CDK18: variants seen among roughly 807,000 people sequenced by gnomAD.
CDK18 encodes the protein cyclin dependent kinase 18, also known as cyclin-dependent kinase 18.
Under a neutral mutation model 62.0 loss-of-function variants are expected in CDK18, and 52 were observed. That is an observed-to-expected ratio of 0.84 (90% CI 0.67 to 1.06). The LOEUF is 1.06. Ranked by LOEUF, CDK18 falls within the 50% of genes least tolerant of loss-of-function variation. The pLI, the probability that CDK18 is intolerant of heterozygous loss-of-function variation, is 0.00. For missense variants in CDK18, 604 were observed against 619.9 expected, an observed-to-expected ratio of 0.97 and a Z score of 0.27; for synonymous variants, 237 against 247.0, an observed-to-expected ratio of 0.96 and a Z score of 0.38.
At position 205,526,421 on chromosome 1, in the gene CDK18, T is replaced by C; in HGVS notation, c.626T>C (p.Ile209Thr). 8.7e-6 allele frequency: 14 copies of C among 1,614,154 alleles called. No individual in the cohort carries two copies. The highest frequency in any genetic ancestry group is 1.2e-5 in the Non-Finnish European group (14 of 1,179,996). Residue 209 changes from isoleucine to threonine, a missense_variant, in exon 7 of 16, where the codon ATC becomes ACC. Transcript: ENST00000429964. Reference sequence around the variant, plus strand: ...AATATTGTGACCCTGCATGACCTCATCCACACAGATCGGTCCCTCACCCTG... The same window carrying C: ...AATATTGTGACCCTGCATGACCTCACCCACACAGATCGGTCCCTCACCCTG... ...HANIVTLHDL[I>T]HTDRSLTLVF...
intron 13 of CDK18, 145 bp from the exon 14 acceptor site, chr1:205,530,114 G>T (rs570340791): frequency 7.7e-5 from 113 of 1,463,710 alleles, no homozygotes; most frequent in Non-Finnish European, 6.8e-5. Flanking sequence ...TGGGTTTGTG[G>T]TAGGGGCTGG....
At position 205,532,530 on chromosome 1, in the gene CDK18, T is replaced by G. The variant is rs1668781094; in HGVS notation, c.*1152T>G. The stretch of plus-strand genomic sequence containing the variant: ...AACGTGGAACAGGAGCAGGCTCTGA[T>G]GCTGAGAGGCTTGCCTCCGGGGGCT... On this transcript the variant is annotated 3_prime_UTR_variant, in exon 16 of 16. Transcript: ENST00000429964. 6.6e-6 allele frequency: 1 copy of G among 152,510 alleles called. No homozygotes were observed. Among genetic ancestry groups the G allele is most frequent in the African/African-American group, 2.4e-5 (1 of 41,460 alleles). 9.4% of individuals were successfully genotyped at this position (152,510 alleles called of 1,614,324 possible).
In CDK18 at chr1:205,526,409, T is replaced by A. The variant is rs1420050350; in HGVS notation, c.614T>A (p.Leu205Gln). Residue 205 changes from leucine to glutamine, a missense_variant, in exon 7 of 16, where the codon CTG becomes CAG. Coordinates refer to ENST00000429964, the MANE Select transcript of CDK18 (RefSeq NM_212502.3). Reference protein sequence around the residue: ...KNLKHANIVTLHDLIHTDRSL... With the variant: ...KNLKHANIVTQHDLIHTDRSL... The stretch of plus-strand genomic sequence containing the variant: ...CTGAAGCACGCCAATATTGTGACCC[T>A]GCATGACCTCATCCACACAGATCGG... 1 of 1,614,038 alleles carries A rather than the reference T, an allele frequency of 6.2e-7. No individual in the cohort carries two copies. The highest frequency in any genetic ancestry group is 1.3e-5 in the African/African-American group (1 of 74,922).
At position 205,532,723 on chromosome 1, in the gene CDK18, C is replaced by T. The variant is rs970449694; in HGVS notation, c.*1345C>T. 1.3e-5 allele frequency: 2 copies of T among 152,480 alleles called. No homozygotes were observed. The highest frequency in any genetic ancestry group is 2.9e-5 in the Non-Finnish European group (2 of 68,068). The allele number at this position is 152,480 out of a possible 1,614,324, so 9.4% of individuals were successfully genotyped here. On this transcript the variant is annotated 3_prime_UTR_variant, in exon 16 of 16. Transcript: ENST00000429964. The stretch of plus-strand genomic sequence containing the variant: ...TCAGGCCCCCACCCTCCACTCCTCC[C>T]CACGGTACTGTGAACGTCGTGTGAC...
intron 1 of CDK18, among the ~76,000 whole-genome samples, chr1:205,507,213 T>G (rs1667349266): frequency 6.6e-6 from 1 of 152,230 alleles, no homozygotes; most frequent in South Asian, 2.1e-4. Context: ...GGCAAACTTC[T>G]GGCCTTGGTG....
At position 205,526,955 on chromosome 1, in the gene CDK18, G is replaced by T. The variant is rs531221690; in HGVS notation, c.729+118G>T. 3.4e-4 allele frequency: 271 copies of T among 787,910 alleles called. 1 individual carries two copies. Among genetic ancestry groups the T allele is most frequent in the Non-Finnish European group, 5.8e-5 (26 of 451,516 alleles). The allele number at this position is 787,910 out of a possible 1,614,324, so 48.8% of individuals were successfully genotyped here. A position where few individuals can be genotyped will look rare whatever the true frequency, so the allele number is the denominator to read the frequency against. On this transcript the variant is annotated intron_variant, in intron 8 of 15. Transcript: ENST00000429964. ...GCTGAGGTGGCTCAGACCTTCCCAC[G>T]TAGGAAAGAGGGAGAGGGCAATGCC... is the stretch of plus-strand genomic sequence containing the variant.
In CDK18 at chr1:205,526,455, G is replaced by A. The variant is rs1668433582; in HGVS notation, c.660G>A (p.Glu220=). Reference sequence around the variant, plus strand: ...ATCGGTCCCTCACCCTGGTGTTTGAGTACCTGGTGAGAGTCCGGCTGGGGC... The same window carrying A: ...ATCGGTCCCTCACCCTGGTGTTTGAATACCTGGTGAGAGTCCGGCTGGGGC... ...HTDRSLTLVF[E]YLDSDLKQYL... The change falls in exon 7 of 16, where the codon GAG becomes GAA. Residue 220 remains glutamate (E), a synonymous_variant. Transcript: ENST00000429964. 6 of 1,612,510 alleles carry A rather than the reference G, an allele frequency of 3.7e-6. No individual in the cohort carries two copies. Among genetic ancestry groups the A allele is most frequent in the Non-Finnish European group, 5.1e-6 (6 of 1,178,730 alleles).
At position 205,528,248 on chromosome 1, in the gene CDK18, C is replaced by G; in HGVS notation, c.974+80C>G. The G allele has an allele frequency of 6.5e-7, 1 of 1,535,238 alleles. No individual in the cohort carries two copies. The highest frequency in any genetic ancestry group is 2.3e-5 in the East Asian group (1 of 43,888). ...AGACTCTCCTTTGCTTCCCCAAGGG[C>G]CTCGGGGAAGAACTGCCTAACTTCC... is the stretch of plus-strand genomic sequence containing the variant. On this transcript the variant is annotated intron_variant, in intron 10 of 15. Coordinates refer to ENST00000429964, the MANE Select transcript of CDK18 (RefSeq NM_212502.3). The surrounding 1 kb of genome is among the most constrained non-coding windows in gnomAD (Gnocchi z 4.2).
chr1:205,527,591 G>A lies in CDK18; in HGVS notation c.730-203G>A, dbSNP rs576084233. The stretch of plus-strand genomic sequence containing the variant: ...CGCTGGCCTCCCCCACACTCACTGC[G>A]TCCTCTGCACCCCTGCTGTCCTCCC... On this transcript the variant is annotated intron_variant, in intron 8 of 15. Transcript: ENST00000429964. This position sits in a 1 kb window ranked among gnomAD's most constrained non-coding sequence, Gnocchi z 4.1. 7.0e-4 allele frequency: 400 copies of A among 573,492 alleles called. 1 individual carries two copies. Among genetic ancestry groups the A allele is most frequent in the African/African-American group, 6.6e-3 (351 of 53,248 alleles). The allele number at this position is 573,492 out of a possible 1,614,324, so 35.5% of individuals were successfully genotyped here.
intron 1 of CDK18, among the ~76,000 whole-genome samples, chr1:205,514,005 T>C (rs1348271939): frequency 6.6e-6 from 1 of 152,244 alleles, no homozygotes; most frequent in Non-Finnish European, 1.5e-5. Flanking sequence ...ATATTTCATT[T>C]GCTGGTCATT....
rs1345539805 is a variant in CDK18 at position 205,529,359 on chromosome 1, G to T, written c.1108G>T (p.Ala370Ser). The T allele has an allele frequency of 6.2e-7, 1 of 1,613,796 alleles. No homozygotes were observed. Among genetic ancestry groups the T allele is most frequent in the East Asian group, 2.2e-5 (1 of 44,870 alleles). Residue 370 changes from alanine to serine, a missense_variant, in exon 12 of 16, where the codon GCC becomes TCC. By Grantham distance (99) the Ala-to-Ser change is moderately conservative. Transcript: ENST00000429964. ...PTEETWPGVT[A>S]FSEFRTYSFP... Reference sequence around the variant, plus strand: ...AGAAGAGACGTGGCCCGGCGTGACCGCCTTCTCTGAGTTCCGCACCTACAG... The same window carrying T: ...AGAAGAGACGTGGCCCGGCGTGACCTCCTTCTCTGAGTTCCGCACCTACAG...
chr1:205,509,623 T>G (rs1333195649), intron 1 of CDK18, among the ~76,000 whole-genome samples: 2 of 152,180 alleles, frequency 1.3e-5, no homozygotes, highest in African/African-American at 4.8e-5. Flanking sequence ...ACCTAGTAGC[T>G]CTTTGCTTTA....
intron 7 of CDK18, 80 bp from the exon 8 acceptor site, chr1:205,526,695 G>A: frequency 7.3e-7 from 1 of 1,372,972 alleles, no homozygotes; most frequent in Non-Finnish European, 1.0e-6. Context: ...CCAGGGAGGG[G>A]CTTCCTCTCC....
At chr1:205,526,931 C>A in intron 8 of CDK18, 94 bp downstream of exon 8, 1 of 1,021,984 alleles carries the variant, frequency 9.8e-7, no homozygotes, top group South Asian at 1.3e-5. Context: ...GATCCGGCTG[C>A]TGAGGTGGCT....
chr1:205,525,268 C>T (rs916700073), intron 5 of CDK18, 73 bp downstream of exon 5: 8 of 1,128,550 alleles, frequency 7.1e-6, no homozygotes, highest in African/African-American at 3.1e-5. Flanking sequence ...CCTCCCTAGT[C>T]GGCCCTCTCT....
At position 205,526,063 on chromosome 1, in the gene CDK18, A is replaced by T; in HGVS notation, c.457-2A>T. The T allele has an allele frequency of 6.2e-7, 1 of 1,609,680 alleles. No individual in the cohort carries two copies. ...TGGGGCCGCTGTGGCCCTCCATCCC[A>T]GGGCACCTATGCCACAGTCTTCAAA... On this transcript the variant is annotated splice_acceptor_variant, in intron 5 of 15. Transcript: ENST00000429964. LOFTEE classifies it high-confidence loss of function.
intron 1 of CDK18, among the ~76,000 whole-genome samples, chr1:205,518,024 T>A (rs1667912020): frequency 6.6e-6 from 1 of 152,182 alleles, no homozygotes; most frequent in South Asian, 2.1e-4. Flanking sequence ...TCAGGACCTT[T>A]GCCCCTGCTG....
At position 205,526,183 on chromosome 1, in the gene CDK18, C is replaced by T. The variant is rs1247059995; in HGVS notation, c.571+4C>T. The T allele has an allele frequency of 1.2e-6, 2 of 1,610,756 alleles. No homozygotes were observed. The highest frequency in any genetic ancestry group is 1.3e-5 in the African/African-American group (1 of 74,848). On this transcript the variant is annotated splice_donor_region_variant and intron_variant, in intron 6 of 15. Transcript: ENST00000429964. ...CCCTGCACTGCCATCCGAGAGGGTA[C>T]AGCATCCTAGGCTCCCACGCTCCCC...
chr1:205,519,804 C>T (rs1392604688), intron 1 of CDK18, among the ~76,000 whole-genome samples: 1 of 152,132 alleles, frequency 6.6e-6, no homozygotes, highest in African/African-American at 2.4e-5. Flanking sequence ...GGGCCTCCTT[C>T]CCGGAGGCTT....
Sources: allele counts gnomAD v4.1 joint callset (sites outside exome capture counted in the v4.1 genomes callset), GRCh38; gene constraint gnomAD v4.1.1; non-coding constraint Gnocchi (gnomAD v3.1); transcripts MANE v1.5; gene names NCBI Gene and HGNC (gene_info 2026-07-23, HGNC 2026-07-21).